Variants in TFEC observed in about 807,000 individuals in gnomAD.
TFEC encodes the protein class E basic helix-loop-helix protein 34.
In TFEC, 31 loss-of-function variants were observed where a neutral mutation model predicts 41.6. The ratio of observed to expected loss-of-function variants is 0.74; its 90% CI spans 0.56 to 1.01. The LOEUF (loss-of-function observed/expected upper bound fraction) is 1.01, where lower values mean the gene tolerates loss of function less well. TFEC is among the 50% of genes least tolerant of loss of function. The probability of loss-of-function intolerance (pLI) is 0.00; values close to 1 mark genes in which losing one functional copy is unlikely to be tolerated. For missense variants in TFEC, 402 were observed against 404.1 expected (o/e 0.99, Z 0.04); for synonymous variants, 143 against 140.6 (o/e 1.02, Z -0.12).
intron 1 of TFEC, among the ~76,000 whole-genome samples, chr7:116,115,449 T>C (rs1230672349): frequency 1.3e-5 from 2 of 151,964 alleles, no homozygotes; most frequent in Non-Finnish European, 2.9e-5. Context: ...TTTCAGATTC[T>C]AGAAGCTGCC....
rs181389505 is a variant in TFEC, at chr7:116,132,646, T to A, written c.-68-20608A>T. Among the ~76,000 whole-genome samples, 73 of 152,352 alleles carry A rather than the reference T, an allele frequency of 4.8e-4. No individual in the cohort carries two copies. The East Asian group carries it at 0.013, about 27-fold the overall frequency. On this transcript the variant is annotated intron_variant, in intron 1 of 8. Coordinates refer to the TFEC transcript ENST00000484212. ...AAAGGCACATGCAATTTATTCACCATTGCTTTTGCACAGTAAGTGCAAATA... is the reference window on the plus strand; with the variant it reads ...AAAGGCACATGCAATTTATTCACCAATGCTTTTGCACAGTAAGTGCAAATA...
chr7:116,127,079 C>A (rs1798226308), intron 1 of TFEC, among the ~76,000 whole-genome samples: 1 of 151,766 alleles, frequency 6.6e-6, no homozygotes, highest in South Asian at 2.1e-4. Context: ...CATGTCTGGG[C>A]TTTGGTTTTT....
intron 2 of TFEC, among the ~76,000 whole-genome samples, chr7:116,111,247 A>G (rs1797849271): frequency 6.6e-6 from 1 of 152,052 alleles, no homozygotes; most frequent in Non-Finnish European, 1.5e-5. Context: ...CAAGAAAAAA[A>G]GTGGACATGA....
chr7:116,020,907 A>C (rs1294327057), intron 1 of TFEC, among the ~76,000 whole-genome samples: 11 of 152,182 alleles, frequency 7.2e-5, no homozygotes, highest in Non-Finnish European at 2.9e-5. Context: ...GGATCTTTCA[A>C]ACTCTCAATA....
chr7:116,040,317 G>A (rs962988314), intron 3 of TFEC, among the ~76,000 whole-genome samples: 10 of 152,048 alleles, frequency 6.6e-5, no homozygotes, highest in African/African-American at 1.7e-4. Flanking sequence ...TTATTTCCTA[G>A]CTTAAAAAGT....
chr7:116,016,829 TCTAC>T (rs1795210620), intron 1 of TFEC, among the ~76,000 whole-genome samples: 1 of 152,038 alleles, frequency 6.6e-6, no homozygotes, highest in Admixed American at 6.6e-5. Context: ...ATGTACTATA[TCTAC>T]CTATCTCTCT....
At chr7:116,150,264 A>C (rs1798733648) in intron 1 of TFEC, among the ~76,000 whole-genome samples, 1 of 152,170 alleles carries the variant, frequency 6.6e-6, no homozygotes, top group Non-Finnish European at 1.5e-5. Context: ...ACTTCTGTTT[A>C]AGCTCCTCTT....
chr7:116,128,593 AGTG>A (rs1303582461), intron 1 of TFEC, among the ~76,000 whole-genome samples: 2 of 152,192 alleles, frequency 1.3e-5, no homozygotes, highest in African/African-American at 4.8e-5. Context: ...ACTCTAGACT[AGTG>A]CTTCTCAAAG....
chr7:115,985,547 A>C (rs780707196), intron 1 of TFEC, among the ~76,000 whole-genome samples: 1 of 152,104 alleles, frequency 6.6e-6, no homozygotes, highest in African/African-American at 2.4e-5. Context: ...ACTACTCCTT[A>C]AATCCCTTAA....
intron 6 of TFEC, among the ~76,000 whole-genome samples, chr7:115,949,666 G>C (rs1791820918): frequency 6.6e-6 from 1 of 151,830 alleles, no homozygotes; most frequent in African/African-American, 2.4e-5. Context: ...GCTGAAACTG[G>C]ATCCCTTCCT....
intron 6 of TFEC, among the ~76,000 whole-genome samples, chr7:115,949,613 T>G (rs1791817352): frequency 6.6e-6 from 1 of 152,022 alleles, no homozygotes; most frequent in Non-Finnish European, 1.5e-5. Flanking sequence ...GATTCCCTAT[T>G]TAATAAATGG....
At chr7:115,945,720 A>AT in intron 6 of TFEC, among the ~76,000 whole-genome samples, 1 of 151,792 alleles carries the variant, frequency 6.6e-6, no homozygotes. Flanking sequence ...TCTGAGATTC[A>AT]TAAGGAAGAG....
intron 1 of TFEC, among the ~76,000 whole-genome samples, chr7:116,156,181 C>T (rs1271160849): frequency 6.6e-6 from 1 of 152,106 alleles, no homozygotes; most frequent in African/African-American, 2.4e-5. Context: ...CCCAGAGGCT[C>T]CCAGCCATTG....
At chr7:116,074,628 A>C (rs1050069694) in intron 3 of TFEC, among the ~76,000 whole-genome samples, 1 of 152,172 alleles carries the variant, frequency 6.6e-6, no homozygotes, top group African/African-American at 2.4e-5. Flanking sequence ...GAGGATGTGG[A>C]GAAACTGGAA....
chr7:116,104,361 A>G (rs1797669380), intron 3 of TFEC, among the ~76,000 whole-genome samples: 1 of 152,078 alleles, frequency 6.6e-6, no homozygotes. Flanking sequence ...CAGGTGTATA[A>G]TATATGTTAT....
intron 1 of TFEC, among the ~76,000 whole-genome samples, chr7:116,158,520 C>T (rs1584585352): frequency 6.6e-6 from 1 of 152,096 alleles, no homozygotes; most frequent in South Asian, 2.1e-4. Context: ...TAATTATGCT[C>T]ACTAAGCCAT....
rs750672199 is a variant in TFEC at position 115,984,345 on chromosome 7, G to A, written c.97C>T (p.Leu33=). Residue 33 remains leucine, a synonymous_variant, in exon 2 of 8, where the codon CTG becomes TTG. Coordinates refer to ENST00000265440, the MANE Select transcript of TFEC (RefSeq NM_012252.4). ...GPLVQHAHTT[L]DSDAGLTENP... is the part of the protein sequence containing the mutation. ...TCTGTGAGGCCAGCATCACTGTCCAGAGTTGTGTGTGCATGCTGCACAAGA... is the reference window on the plus strand; with the variant it reads ...TCTGTGAGGCCAGCATCACTGTCCAAAGTTGTGTGTGCATGCTGCACAAGA... 3.7e-6 allele frequency: 6 copies of A among 1,614,104 alleles called. No individual in the cohort carries two copies. The highest frequency in any genetic ancestry group is 5.1e-6 in the Non-Finnish European group (6 of 1,179,982).
chr7:116,123,755 C>G (rs939588661), intron 1 of TFEC, among the ~76,000 whole-genome samples: 1 of 152,062 alleles, frequency 6.6e-6, no homozygotes, highest in African/African-American at 2.4e-5. Flanking sequence ...CCCTACTACT[C>G]CTATCATGTT....
At chr7:116,019,612 G>A (rs186256217) in intron 1 of TFEC, among the ~76,000 whole-genome samples, 1 of 152,288 alleles carries the variant, frequency 6.6e-6, no homozygotes, top group Admixed American at 6.5e-5. Flanking sequence ...ATTTATGTGA[G>A]TGTTCTCTAT....
Sources: gnomAD v4.1 joint callset for allele counts (sites outside exome capture counted in the v4.1 genomes callset) on GRCh38, gnomAD v4.1.1 for gene constraint, MANE v1.5 for transcripts, NCBI Gene and HGNC (gene_info 2026-07-23, HGNC 2026-07-21) for gene names.